The following SUGCT variants were observed in gnomAD, a reference collection of about 807,000 sequenced individuals.
SUGCT encodes the protein succinyl-CoA:glutarate-CoA transferase, also known as succinyl-CoA:glutarate CoA-transferase.
SUGCT carries 41 observed loss-of-function variants against 55.0 expected under a neutral mutation model. The observed-to-expected ratio is 0.74, with a 90% CI of 0.58 to 0.97. The LOEUF (loss-of-function observed/expected upper bound fraction) is 0.97, where lower values mean the gene tolerates loss of function less well. Among genes scored for constraint, SUGCT ranks in the 50% least tolerant of loss-of-function variants. The probability of loss-of-function intolerance (pLI) is 0.00; values close to 1 mark genes in which losing one functional copy is unlikely to be tolerated. For synonymous variants in SUGCT, 187 were observed against 200.4 expected, an observed-to-expected ratio of 0.93 and a Z score of 0.56; for missense variants, 568 against 547.8, an observed-to-expected ratio of 1.04 and a Z score of -0.37.
the SUGCT span, among the ~76,000 whole-genome samples, chr7:40,930,875 G>A: frequency 1.6e-4 from 25 of 152,200 alleles, no homozygotes; most frequent in East Asian, 2.7e-3. Flanking sequence ...AAACAGGGAC[G>A]ATTTGACTTC....
At chr7:40,920,985 A>G in the SUGCT span, among the ~76,000 whole-genome samples, 2 of 152,138 alleles carry the variant, frequency 1.3e-5, no homozygotes, top group Admixed American at 6.5e-5. Flanking sequence ...CACTTTAAGG[A>G]AGTGGACAGG....
At chr7:40,220,781 G>GA (rs1251456910) in intron 6 of SUGCT, among the ~76,000 whole-genome samples, 1 of 152,122 alleles carries the variant, frequency 6.6e-6, no homozygotes, top group Admixed American at 6.5e-5. Context: ...AGTAGCCACA[G>GA]AAAAATTCTG....
At chr7:40,770,144 T>C (rs537760516) in intron 13 of SUGCT, among the ~76,000 whole-genome samples, 1 of 152,314 alleles carries the variant, frequency 6.6e-6, no homozygotes, top group South Asian at 2.1e-4. Context: ...GAAAACACCA[T>C]GCTGTTTTGT....
intron 9 of SUGCT, among the ~76,000 whole-genome samples, chr7:40,399,527 G>A (rs771831614): frequency 3.3e-5 from 5 of 152,126 alleles, no homozygotes; most frequent in Non-Finnish European, 7.4e-5. Context: ...GGGTAGGGTG[G>A]TCACCAGGAG....
At chr7:40,664,866 G>C (rs1801524975) in intron 12 of SUGCT, among the ~76,000 whole-genome samples, 1 of 151,724 alleles carries the variant, frequency 6.6e-6, no homozygotes, top group South Asian at 2.1e-4. Flanking sequence ...TGTAGTCCCA[G>C]CTGCTCGGGA....
chr7:40,944,329 G>C, the SUGCT span, among the ~76,000 whole-genome samples: 1 of 151,246 alleles, frequency 6.6e-6, no homozygotes, highest in South Asian at 2.1e-4. Context: ...CATTGCTTTT[G>C]GTGTTTTAGA....
At chr7:40,833,754 C>G (rs1316908060) in intron 13 of SUGCT, among the ~76,000 whole-genome samples, 1 of 152,000 alleles carries the variant, frequency 6.6e-6, no homozygotes, top group Non-Finnish European at 1.5e-5. Flanking sequence ...CTAAAACATC[C>G]CAGCTGGACA....
At chr7:40,158,647 G>T (rs1784009651) in intron 1 of SUGCT, among the ~76,000 whole-genome samples, 1 of 152,154 alleles carries the variant, frequency 6.6e-6, no homozygotes, top group Non-Finnish European at 1.5e-5. Flanking sequence ...CTACTCGGGA[G>T]GCTGAGACAG....
intron 9 of SUGCT, among the ~76,000 whole-genome samples, chr7:40,444,689 T>C (rs919137329): frequency 6.6e-6 from 1 of 152,202 alleles, no homozygotes; most frequent in Non-Finnish European, 1.5e-5. Flanking sequence ...TTTGACTTCC[T>C]CTTTTCCTAA....
chr7:40,533,871 A>G (rs1485551037), intron 12 of SUGCT, among the ~76,000 whole-genome samples: 1 of 152,208 alleles, frequency 6.6e-6, no homozygotes, highest in Non-Finnish European at 1.5e-5. Context: ...TGGTTAAAAT[A>G]TTGCAAAATG....
the SUGCT span, among the ~76,000 whole-genome samples, chr7:40,952,836 G>T: frequency 6.6e-6 from 1 of 152,146 alleles, no homozygotes; most frequent in South Asian, 2.1e-4. Flanking sequence ...TTAGTCTGAT[G>T]GGCTTCCCTT....
At chr7:40,575,957 A>G (rs1211969282) in intron 12 of SUGCT, among the ~76,000 whole-genome samples, 2 of 151,952 alleles carry the variant, frequency 1.3e-5, no homozygotes, top group Non-Finnish European at 2.9e-5. Context: ...AAAAAAAAAA[A>G]AAAAGAAAAA....
chr7:40,541,412 T>G (rs917845493), intron 12 of SUGCT, among the ~76,000 whole-genome samples: 3 of 152,214 alleles, frequency 2.0e-5, no homozygotes, highest in African/African-American at 7.2e-5. Flanking sequence ...AATTCTTCTC[T>G]TTGACATATA....
intron 9 of SUGCT, among the ~76,000 whole-genome samples, chr7:40,362,343 C>G (rs1798196315): frequency 6.6e-6 from 1 of 151,976 alleles, no homozygotes; most frequent in East Asian, 1.9e-4. Context: ...CACTTGAACC[C>G]AGGAGGCAGA....
chr7:40,517,463 G>A (rs866114847), intron 12 of SUGCT, among the ~76,000 whole-genome samples: 15 of 152,172 alleles, frequency 9.9e-5, no homozygotes, highest in Non-Finnish European at 2.2e-4. Flanking sequence ...TCACCATTAA[G>A]AATAAAGTTT....
chr7:40,627,420 CCAAT>C (rs947948687), intron 12 of SUGCT, among the ~76,000 whole-genome samples: 2 of 151,962 alleles, frequency 1.3e-5, no homozygotes, highest in African/African-American at 4.8e-5. Context: ...TGGAAAGCAA[CCAAT>C]CAGAGGCTGA....
chr7:40,480,121 C>A lies in SUGCT; in HGVS notation c.987-16163C>A, dbSNP rs993139928. Reference sequence around the variant, plus strand: ...GGCCAATATTAGGAAACTTTCCCCCCATCTTTTTCTATTAGTTATATCGTT... The same window carrying A: ...GGCCAATATTAGGAAACTTTCCCCCAATCTTTTTCTATTAGTTATATCGTT... On this transcript the variant is annotated intron_variant, in intron 11 of 13. Transcript: ENST00000335693. Among the ~76,000 whole-genome samples, 6 of 152,108 alleles carry A rather than the reference C, an allele frequency of 3.9e-5. No individual in the cohort carries two copies. The East Asian group carries it at 1.2e-3, about 29-fold the overall frequency.
intron 12 of SUGCT, among the ~76,000 whole-genome samples, chr7:40,594,580 A>G (rs1200391026): frequency 6.6e-6 from 1 of 152,160 alleles, no homozygotes; most frequent in Non-Finnish European, 1.5e-5. Context: ...TAAAATGAGG[A>G]GTCTGAGTCA....
chr7:40,875,312 T>C, the SUGCT span, among the ~76,000 whole-genome samples: 2 of 152,342 alleles, frequency 1.3e-5, no homozygotes, highest in Middle Eastern at 3.4e-3. Context: ...GGGGAGGATG[T>C]GCTTCTGGTT....
Sources: allele counts gnomAD v4.1 joint callset (sites outside exome capture counted in the v4.1 genomes callset), GRCh38; gene constraint gnomAD v4.1.1; transcripts MANE v1.5; gene names NCBI Gene and HGNC (gene_info 2026-07-23, HGNC 2026-07-21).